Variants in FERMT2 observed in about 807,000 individuals in gnomAD.
The protein encoded by FERMT2 is FERM domain containing kindlin 2, also known as fermitin family homolog 2.
A neutral mutation model predicts 82.7 loss-of-function variants in FERMT2; 15 were observed. The observed-to-expected ratio is 0.18, with a 90% CI of 0.12 to 0.28. The LOEUF is 0.28. Among genes scored for constraint, FERMT2 ranks in the 10% least tolerant of loss-of-function variants. The pLI is 1.00. For missense variants in FERMT2, 645 were observed against 809.4 expected, an observed-to-expected ratio of 0.80 and a Z score of 2.46; for synonymous variants, 274 against 271.5, an observed-to-expected ratio of 1.01 and a Z score of -0.09.
At chr14:52,867,454 C>T (rs1319281600) in intron 10 of FERMT2, among the ~76,000 whole-genome samples, 2 of 152,166 alleles carry the variant, frequency 1.3e-5, no homozygotes, top group African/African-American at 2.4e-5. Flanking sequence ...TACTTCACTG[C>T]CATAGTCTTC....
chr14:52,915,743 C>T (rs1888579785), intron 3 of FERMT2, among the ~76,000 whole-genome samples: 1 of 152,018 alleles, frequency 6.6e-6, no homozygotes, highest in African/African-American at 2.4e-5. Context: ...AAACACAAAC[C>T]AATGTTAACT....
At chr14:52,926,029 G>A (rs1889249768) in intron 2 of FERMT2, among the ~76,000 whole-genome samples, 1 of 152,128 alleles carries the variant, frequency 6.6e-6, no homozygotes, top group Non-Finnish European at 1.5e-5. Flanking sequence ...AATCATAACA[G>A]ACTATGCAAC....
Position 52,893,762 on chromosome 14 carries a change from G to C in FERMT2, c.392-335C>G, listed in dbSNP as rs150408598. Among the ~76,000 whole-genome samples the C allele has an allele frequency of 6.0e-4, 91 of 151,482 alleles. 1 individual carries two copies. Among genetic ancestry groups the C allele is most frequent in the African/African-American group, 2.0e-3 (84 of 41,310 alleles). On this transcript the variant is annotated intron_variant, in intron 3 of 14. Transcript: ENST00000341590. ...TATATGTCCTTCACTCATTCTGTAT[G>C]TCATAAGGTACACGTGATAAATGAA...
chr14:52,865,882 C>G (rs926462202), intron 10 of FERMT2, among the ~76,000 whole-genome samples: 6 of 152,148 alleles, frequency 3.9e-5, no homozygotes, highest in African/African-American at 1.4e-4. Flanking sequence ...GAAGCAACTC[C>G]TACCATGAAT....
At chr14:52,896,193 ATT>A (rs1204387266) in intron 3 of FERMT2, among the ~76,000 whole-genome samples, 1 of 152,238 alleles carries the variant, frequency 6.6e-6, no homozygotes, top group African/African-American at 2.4e-5. Flanking sequence ...TGACCAAAAT[ATT>A]GTTATGCAGC....
At chr14:52,871,135 G>T (rs1885597934) in intron 10 of FERMT2, among the ~76,000 whole-genome samples, 1 of 152,178 alleles carries the variant, frequency 6.6e-6, no homozygotes, top group South Asian at 2.1e-4. Flanking sequence ...CCAGCGCCTA[G>T]TAATACCTCC....
chr14:52,858,641 T>C, intron 14 of FERMT2, 91 bp from the exon 15 acceptor site: 1 of 1,140,454 alleles, frequency 8.8e-7, no homozygotes, highest in South Asian at 1.5e-5. Flanking sequence ...GTCTGTCATA[T>C]CACAAAACAC....
At chr14:52,890,045 C>T (rs1311884449) in intron 4 of FERMT2, among the ~76,000 whole-genome samples, 1 of 150,938 alleles carries the variant, frequency 6.6e-6, no homozygotes, top group Non-Finnish European at 1.5e-5. Context: ...AGGAGAATTG[C>T]CTGTATCTTG....
chr14:52,897,126 T>C (rs1190093671), intron 3 of FERMT2, among the ~76,000 whole-genome samples: 1 of 152,024 alleles, frequency 6.6e-6, no homozygotes, highest in Non-Finnish European at 1.5e-5. Flanking sequence ...GTTCTTTCAG[T>C]ACCATAAGAC....
At chr14:52,941,702 T>C (rs962417182) in intron 2 of FERMT2, among the ~76,000 whole-genome samples, 2 of 152,250 alleles carry the variant, frequency 1.3e-5, no homozygotes, top group African/African-American at 2.4e-5. Context: ...ATAGGAATAC[T>C]GCATACATTA....
At chr14:52,865,569 T>C (rs1327799605) in intron 10 of FERMT2, among the ~76,000 whole-genome samples, 1 of 152,156 alleles carries the variant, frequency 6.6e-6, no homozygotes, top group Admixed American at 6.6e-5. Flanking sequence ...ACAGGGATGA[T>C]TTAAGGATAA....
intron 10 of FERMT2, among the ~76,000 whole-genome samples, chr14:52,869,009 C>T (rs17125830): frequency 0.023 from 3,567 of 152,142 alleles, 142 homozygotes; most frequent in African/African-American, 0.082. Context: ...ATGCCAGGAC[C>T]TGACCTCTTA....
At chr14:52,872,457 C>T (rs943548682) in intron 10 of FERMT2, among the ~76,000 whole-genome samples, 2 of 152,058 alleles carry the variant, frequency 1.3e-5, no homozygotes, top group South Asian at 2.1e-4. Context: ...TCGCTTGAAC[C>T]CGGGAGGCAG....
chr14:52,934,131 A>G (rs2139681383), intron 2 of FERMT2, among the ~76,000 whole-genome samples: 1 of 152,338 alleles, frequency 6.6e-6, no homozygotes, highest in East Asian at 1.9e-4. Context: ...AGAACTAATA[A>G]ATATTTATAA....
chr14:52,912,033 C>G (rs1257586329), intron 3 of FERMT2, among the ~76,000 whole-genome samples: 2 of 150,842 alleles, frequency 1.3e-5, no homozygotes, highest in Non-Finnish European at 2.9e-5. Flanking sequence ...GTTAAGTAGA[C>G]TGCAGCACAG....
chr14:52,882,421 T>C (rs1484033918), intron 4 of FERMT2, among the ~76,000 whole-genome samples: 1 of 152,128 alleles, frequency 6.6e-6, no homozygotes, highest in South Asian at 2.1e-4. Flanking sequence ...AAATAACAAT[T>C]TGTTACATTA....
intron 4 of FERMT2, among the ~76,000 whole-genome samples, chr14:52,887,316 C>T (rs999431693): frequency 2.6e-4 from 40 of 151,876 alleles, no homozygotes; most frequent in African/African-American, 9.7e-4. Flanking sequence ...TGCTTGAGAC[C>T]AGCCTGGGAA....
chr14:52,885,290 G>T (rs1886529845), intron 4 of FERMT2, among the ~76,000 whole-genome samples: 2 of 106,284 alleles, frequency 1.9e-5, no homozygotes, highest in South Asian at 7.0e-4. Context: ...TCCAGCCTGG[G>T]TAACAGGGCG....
At chr14:52,883,437 G>A (rs557755778) in intron 4 of FERMT2, among the ~76,000 whole-genome samples, 1 of 152,310 alleles carries the variant, frequency 6.6e-6, no homozygotes, top group African/African-American at 2.4e-5. Flanking sequence ...TACAGAGTGT[G>A]CATGTAGATA....
Sources: allele counts gnomAD v4.1 joint callset (sites outside exome capture counted in the v4.1 genomes callset), GRCh38; gene constraint gnomAD v4.1.1; transcripts MANE v1.5; gene names NCBI Gene and HGNC (gene_info 2026-07-23, HGNC 2026-07-21).